VWA3B: variants seen among roughly 807,000 people sequenced by gnomAD.
VWA3B encodes the protein von Willebrand factor A domain-containing protein 3B.
In VWA3B, 138 loss-of-function variants were observed where a neutral mutation model predicts 158.3. That is an observed-to-expected ratio of 0.87 (90% CI 0.76 to 1.00). The LOEUF is 1.00. Ranked by LOEUF, VWA3B falls within the 50% of genes least tolerant of loss-of-function variation. The pLI, the probability that VWA3B is intolerant of heterozygous loss-of-function variation, is 0.00. For missense variants in VWA3B, 1,555 were observed against 1,565.1 expected, an observed-to-expected ratio of 0.99 and a Z score of 0.11; for synonymous variants, 596 against 587.3, an observed-to-expected ratio of 1.01 and a Z score of -0.21.
chr2:98,290,557 G>C lies in VWA3B; in HGVS notation c.3092G>C (p.Arg1031Thr). ...GNPTKKTKSK[R>T]PDPLKGQKVI... ...CCAACAAAGAAAACCAAATCAAAAAGACCAGATCCCCTCAAAGGACAGAAG... is the reference window on the plus strand; with the variant it reads ...CCAACAAAGAAAACCAAATCAAAAACACCAGATCCCCTCAAAGGACAGAAG... The change falls in exon 23 of 28, where the codon AGA (arginine) becomes ACA (threonine). Residue 1031 changes from arginine (R) to threonine (T), a missense_variant. By Grantham distance (71) the Arg-to-Thr change is moderately conservative. Coordinates refer to ENST00000477737, the MANE Select transcript of VWA3B (RefSeq NM_144992.5). The C allele has an allele frequency of 1.9e-6, 3 of 1,589,344 alleles. No homozygotes were observed. Among genetic ancestry groups the C allele is most frequent in the Non-Finnish European group, 2.6e-6 (3 of 1,173,382 alleles).
At chr2:98,162,785 C>CT (rs1311737858) in intron 7 of VWA3B, 66 bp from the exon 8 acceptor site, 1 of 1,589,294 alleles carries the variant, frequency 6.3e-7, no homozygotes, top group Non-Finnish European at 8.6e-7. Context: ...GTCAGGCCTG[C>CT]TAGGCGGGCT....
chr2:98,320,126 T>G, the VWA3B span, among the ~76,000 whole-genome samples: 1 of 152,130 alleles, frequency 6.6e-6, no homozygotes, highest in African/African-American at 2.4e-5. Flanking sequence ...GGCTGGTCTT[T>G]CCCATGCTAT....
chr2:98,183,646 T>C (rs1031102812), intron 9 of VWA3B, among the ~76,000 whole-genome samples: 1 of 152,220 alleles, frequency 6.6e-6, no homozygotes, highest in Non-Finnish European at 1.5e-5. Context: ...CATTCTTGTC[T>C]CTTTGTCTAT....
chr2:98,195,316 C>A lies in VWA3B; in HGVS notation c.1737+824C>A, dbSNP rs149073193. ...AAAGGCAAATATGTATCAGAAACAT[C>A]TTTAAAGTAGTTTAGTGTCTAGTTT... On this transcript the variant is annotated intron_variant, in intron 12 of 27. Coordinates refer to ENST00000477737, the MANE Select transcript of VWA3B (RefSeq NM_144992.5). 1.3e-3 allele frequency among the ~76,000 whole-genome samples: 192 copies of A among 152,270 alleles called. 2 individuals carry two copies. The highest frequency in any genetic ancestry group is 2.1e-3 in the Non-Finnish European group (144 of 68,034).
At chr2:98,120,729 C>T (rs1333972949) in intron 4 of VWA3B, among the ~76,000 whole-genome samples, 1 of 152,144 alleles carries the variant, frequency 6.6e-6, no homozygotes, top group Admixed American at 6.5e-5. Context: ...TTCTACCAGT[C>T]TTTTATAAGC....
chr2:98,270,878 G>T lies in VWA3B; in HGVS notation c.3040G>T (p.Gly1014Ter), dbSNP rs1688160722. The change falls in exon 22 of 28, where the codon GGA becomes TGA. Residue 1014 changes from glycine (G) to a stop codon, truncating the protein, a stop_gained. Coordinates refer to ENST00000477737, the MANE Select transcript of VWA3B (RefSeq NM_144992.5). LOFTEE classifies it high-confidence loss of function. ...GAAGAATTATGCAAACAAGGCCCCGGGAGAGGTGGGTGCCCTGGAGGTCTC... is the reference window on the plus strand; with the variant it reads ...GAAGAATTATGCAAACAAGGCCCCGTGAGAGGTGGGTGCCCTGGAGGTCTC... ...AKKNYANKAP[G>*]EQQKLQGNPT... 1 of 1,613,620 alleles carries T rather than the reference G, an allele frequency of 6.2e-7. No individual in the cohort carries two copies. The highest frequency in any genetic ancestry group is 1.3e-5 in the African/African-American group (1 of 74,882).
intron 23 of VWA3B, chr2:98,290,837 A>T (rs1344014441): frequency 2.2e-6 from 1 of 461,780 alleles, no homozygotes; most frequent in Non-Finnish European, 3.9e-6. Flanking sequence ...AAATGCACTT[A>T]TTTTAATTTC....
intron 13 of VWA3B, chr2:98,216,902 C>T (rs1390051512): frequency 6.2e-6 from 8 of 1,295,412 alleles, no homozygotes; most frequent in Admixed American, 2.3e-5. Flanking sequence ...CCAAGTCTCT[C>T]GCTCTGGAGC....
At chr2:98,204,318 A>T (rs1682828267) in intron 12 of VWA3B, among the ~76,000 whole-genome samples, 1 of 152,258 alleles carries the variant, frequency 6.6e-6, no homozygotes, top group South Asian at 2.1e-4. Flanking sequence ...TTGAGAGCAG[A>T]CATACTTGCC....
At chr2:98,145,727 G>GT (rs145413200) in intron 7 of VWA3B, among the ~76,000 whole-genome samples, 2,356 of 145,790 alleles carry the variant, frequency 0.016, 44 homozygotes, top group African/African-American at 0.043. Context: ...TTTCCTGAGT[G>GT]TTTTTTTTTT....
chr2:98,117,283 GT>G (rs780225592), intron 3 of VWA3B, among the ~76,000 whole-genome samples: 23 of 152,258 alleles, frequency 1.5e-4, no homozygotes, highest in Middle Eastern at 3.4e-3. Flanking sequence ...GGGCCTTTTT[GT>G]TTTTATGTTC....
chr2:98,301,778 T>C (rs1315517260), intron 25 of VWA3B, among the ~76,000 whole-genome samples: 1 of 152,212 alleles, frequency 6.6e-6, no homozygotes, highest in Non-Finnish European at 1.5e-5. Context: ...CTTGGTAATA[T>C]ATGCAGCCAA....
rs888091439 is a variant in VWA3B, at chr2:98,125,823, C to T, written c.703-2416C>T. Among the ~76,000 whole-genome samples, 3 of 152,142 alleles carry T rather than the reference C, an allele frequency of 2.0e-5. No homozygotes were observed. Among genetic ancestry groups the T allele is most frequent in the Non-Finnish European group, 4.4e-5 (3 of 68,032 alleles). On this transcript the variant is annotated intron_variant, in intron 5 of 27. Transcript: ENST00000477737. The surrounding 1 kb of genome is among the most constrained non-coding windows in gnomAD (Gnocchi z 4.1). ...GGACTACAGGCGCCTGCCACCACAT[C>T]CGGCTAATTTTTCTGTATTTTTAGT...
intron 7 of VWA3B, among the ~76,000 whole-genome samples, chr2:98,157,041 C>T (rs6543330): frequency 0.77 from 117,409 of 152,054 alleles, 46,038 homozygotes; most frequent in African/African-American, 0.89. Context: ...TTGCATTTTA[C>T]AGTGTGCCAT....
At position 98,192,986 on chromosome 2, in the gene VWA3B, A is replaced by G. The variant is rs1290067800; in HGVS notation, c.1555A>G (p.Met519Val). The change falls in exon 11 of 28, where the codon ATG becomes GTG. Residue 519 changes from methionine to valine, a missense_variant. Physicochemically the swap from Met to Val is conservative, Grantham distance 21 (BLOSUM62 1). Coordinates refer to ENST00000477737, the MANE Select transcript of VWA3B (RefSeq NM_144992.5). ...CATTCTCATTGACACGTCTCACTCA[A>G]TGAAGAGCAAACTGGACTTGGTGAA... ...IYILIDTSHS[M>V]KSKLDLVKDK... is the part of the protein sequence containing the mutation. The G allele has an allele frequency of 2.5e-6, 4 of 1,614,080 alleles. No homozygotes were observed. Among genetic ancestry groups the G allele is most frequent in the African/African-American group, 1.3e-5 (1 of 74,942 alleles).
chr2:98,225,122 C>T (rs905496544), intron 14 of VWA3B, among the ~76,000 whole-genome samples: 10 of 152,116 alleles, frequency 6.6e-5, no homozygotes, highest in Admixed American at 1.3e-4. Flanking sequence ...TTAATAGAGA[C>T]GGGGTTTCCC....
At chr2:98,196,567 A>G (rs767217099) in intron 12 of VWA3B, among the ~76,000 whole-genome samples, 17 of 152,168 alleles carry the variant, frequency 1.1e-4, no homozygotes, top group Non-Finnish European at 2.1e-4. Context: ...TCCTAAGGCC[A>G]GGGAGCACAA....
the VWA3B span, among the ~76,000 whole-genome samples, chr2:98,322,050 T>C: frequency 2.0e-4 from 31 of 152,346 alleles, 1 homozygote; most frequent in East Asian, 4.6e-3. Context: ...CCTGCTTCCA[T>C]GTAAGTCATG....
chr2:98,236,773 T>A (rs1685722625), intron 19 of VWA3B, 43 bp downstream of exon 19: 1 of 1,564,374 alleles, frequency 6.4e-7, no homozygotes, highest in African/African-American at 1.4e-5. Context: ...GCCATTTTCA[T>A]TTTCTGCTCA....
Sources: gnomAD v4.1 joint callset for allele counts (sites outside exome capture counted in the v4.1 genomes callset) on GRCh38, gnomAD v4.1.1 for gene constraint, Gnocchi (gnomAD v3.1) non-coding constraint, MANE v1.5 for transcripts, NCBI Gene and HGNC (gene_info 2026-07-23, HGNC 2026-07-21) for gene names.